LRRC37A2: variants seen among roughly 807,000 people sequenced by gnomAD.
LRRC37A2 encodes the protein leucine-rich repeat-containing protein 37A2.
Under a neutral mutation model 68.8 loss-of-function variants are expected in LRRC37A2, and 9 were observed. The ratio of observed to expected loss-of-function variants is 0.13; its 90% CI spans 0.08 to 0.23. The LOEUF (loss-of-function observed/expected upper bound fraction) is 0.23. Among genes scored for constraint, LRRC37A2 ranks in the 10% least tolerant of loss-of-function variants. The pLI, the probability that LRRC37A2 is intolerant of heterozygous loss-of-function variation, is 1.00. For missense variants in LRRC37A2, 168 were observed against 950.4 expected, an observed-to-expected ratio of 0.18 and a Z score of 10.82; for synonymous variants, 63 against 367.6, an observed-to-expected ratio of 0.17 and a Z score of 9.48.
the LRRC37A2 span, among the ~76,000 whole-genome samples, chr17:46,708,818 ATATATT>A: frequency 9.5e-6 from 1 of 104,816 alleles, no homozygotes; most frequent in Non-Finnish European, 1.8e-5. Context: ...ATATATATAT[ATATATT>A]TTTTTTTTTT....
chr17:46,625,936 T>A, the LRRC37A2 span, among the ~76,000 whole-genome samples: 158 of 143,110 alleles, frequency 1.1e-3, no homozygotes, highest in Non-Finnish European at 1.2e-3. Flanking sequence ...GATTTGAAGC[T>A]TCTATCTTAC....
At chr17:46,956,834 C>T in the LRRC37A2 span, among the ~76,000 whole-genome samples, 2 of 152,130 alleles carry the variant, frequency 1.3e-5, no homozygotes, top group African/African-American at 4.8e-5. Context: ...TCACTCCCGC[C>T]CCAAGACTAA....
the LRRC37A2 span, chr17:46,876,786 C>T: frequency 4.7e-5 from 69 of 1,470,848 alleles, no homozygotes; most frequent in African/African-American, 5.1e-4. Context: ...GCTGCCCAGC[C>T]GGCCCTCTGG....
chr17:46,442,173 C>CT, the LRRC37A2 span, among the ~76,000 whole-genome samples: 1 of 82,820 alleles, frequency 1.2e-5, no homozygotes, highest in Admixed American at 1.2e-4. Context: ...GCTAAAAACT[C>CT]TAACAAGAGG....
At chr17:46,726,849 A>T in the LRRC37A2 span, among the ~76,000 whole-genome samples, 6 of 152,186 alleles carry the variant, frequency 3.9e-5, no homozygotes, top group Non-Finnish European at 7.3e-5. Context: ...GTAAGGGCCC[A>T]TGTCTCATTT....
chr17:46,769,092 G>A, the LRRC37A2 span, among the ~76,000 whole-genome samples: 85 of 152,318 alleles, frequency 5.6e-4, no homozygotes, highest in Middle Eastern at 3.4e-3. Flanking sequence ...TGAGGCGGGA[G>A]GATCACCTGA....
the LRRC37A2 span, among the ~76,000 whole-genome samples, chr17:46,749,032 A>G: frequency 6.6e-6 from 1 of 152,226 alleles, no homozygotes; most frequent in Non-Finnish European, 1.5e-5. Flanking sequence ...TTAATAATAA[A>G]TCCCCATCTT....
the LRRC37A2 span, among the ~76,000 whole-genome samples, chr17:46,853,063 C>T: frequency 6.6e-6 from 1 of 152,108 alleles, no homozygotes; most frequent in South Asian, 2.1e-4. Flanking sequence ...GATCCTTTTG[C>T]GATCCACCCC....
At chr17:46,661,355 T>A in the LRRC37A2 span, among the ~76,000 whole-genome samples, 1 of 148,574 alleles carries the variant, frequency 6.7e-6, no homozygotes, top group Non-Finnish European at 1.5e-5. Context: ...CTGTTTTTTA[T>A]TTGAATCTCT....
At chr17:46,810,132 G>A in the LRRC37A2 span, among the ~76,000 whole-genome samples, 1 of 150,518 alleles carries the variant, frequency 6.6e-6, no homozygotes, top group East Asian at 2.0e-4. Context: ...TCAGCCTTCC[G>A]AGTAGCTGGG....
the LRRC37A2 span, among the ~76,000 whole-genome samples, chr17:46,961,863 A>G: frequency 2.0e-5 from 3 of 152,238 alleles, no homozygotes; most frequent in African/African-American, 7.2e-5. Flanking sequence ...CTGTGAGATG[A>G]CACAGGAGAA....
chr17:46,899,540 A>G, the LRRC37A2 span, among the ~76,000 whole-genome samples: 1 of 152,230 alleles, frequency 6.6e-6, no homozygotes, highest in Non-Finnish European at 1.5e-5. Context: ...GTATGATTCC[A>G]TTTATATGAA....
chr17:46,721,816 G>C, the LRRC37A2 span: 1 of 1,598,718 alleles, frequency 6.3e-7, no homozygotes, highest in South Asian at 1.1e-5. Flanking sequence ...TACGGCTCCT[G>C]GGACACTTTT....
At chr17:46,722,057 T>G in the LRRC37A2 span, 10 of 1,610,280 alleles carry the variant, frequency 6.2e-6, no homozygotes, top group Non-Finnish European at 8.5e-6. Context: ...GAGCTGAGCC[T>G]TGAGGTCCGA....
chr17:47,018,376 C>T, the LRRC37A2 span: 1 of 1,610,118 alleles, frequency 6.2e-7, no homozygotes, highest in South Asian at 1.1e-5. Context: ...GTCACAGTTT[C>T]ACCTCCAGGT....
downstream of LRRC37A2, chr17:46,557,121 T>C (rs915944857): frequency 1.9e-6 from 1 of 538,648 alleles, no homozygotes. Flanking sequence ...ACAATGCTCT[T>C]AGCACCGCCA....
chr17:46,847,056 A>G, the LRRC37A2 span, among the ~76,000 whole-genome samples: 1 of 152,168 alleles, frequency 6.6e-6, no homozygotes, highest in Non-Finnish European at 1.5e-5. Flanking sequence ...AATTTTTTTC[A>G]TTATAAATGT....
At chr17:46,816,131 T>G in the LRRC37A2 span, among the ~76,000 whole-genome samples, 434 of 19,034 alleles carry the variant, frequency 0.023, 4 homozygotes, top group East Asian at 0.32. Context: ...ACACACACAC[T>G]CACACACACG....
the LRRC37A2 span, among the ~76,000 whole-genome samples, chr17:46,797,074 C>T: frequency 2.0e-5 from 3 of 152,100 alleles, no homozygotes; most frequent in African/African-American, 4.8e-5. Flanking sequence ...CAAATAAAAA[C>T]GGGTCACACT....
Sources: allele counts gnomAD v4.1 joint callset (sites outside exome capture counted in the v4.1 genomes callset), GRCh38; gene constraint gnomAD v4.1.1; transcripts MANE v1.5; gene names NCBI Gene and HGNC (gene_info 2026-07-23, HGNC 2026-07-21).